The following GRIN2B variants were observed in gnomAD, a reference collection of about 807,000 sequenced individuals.
GRIN2B encodes glutamate receptor ionotropic, NMDA 2B.
GRIN2B carries 5 observed loss-of-function variants against 114.5 expected under a neutral mutation model. The observed-to-expected ratio is 0.04, with a 90% CI of 0.02 to 0.09. The LOEUF (loss-of-function observed/expected upper bound fraction) is 0.09. Ranked by LOEUF, GRIN2B falls within the 10% of genes least tolerant of loss-of-function variation. The pLI is 1.00. For synonymous variants in GRIN2B, 787 were observed against 745.1 expected (o/e 1.06, Z -0.92); for missense variants, 1,108 against 1,943.5 (o/e 0.57, Z 8.08).
At chr12:13,686,064 T>G (rs1477567971) in intron 4 of GRIN2B, among the ~76,000 whole-genome samples, 3 of 152,116 alleles carry the variant, frequency 2.0e-5, no homozygotes, top group Admixed American at 2.0e-4. Context: ...AAAACCACAA[T>G]GCAAAAGTGC....
At chr12:13,889,890 TC>T (rs1488006522) in intron 2 of GRIN2B, among the ~76,000 whole-genome samples, 1 of 152,156 alleles carries the variant, frequency 6.6e-6, no homozygotes, top group Non-Finnish European at 1.5e-5. Context: ...GAAACAATCC[TC>T]CCCTTCAGTG....
intron 5 of GRIN2B, among the ~76,000 whole-genome samples, chr12:13,617,160 T>A (rs150652474): frequency 6.6e-6 from 1 of 152,312 alleles, no homozygotes; most frequent in Non-Finnish European, 1.5e-5. Flanking sequence ...CAAAATGATG[T>A]GTTTTGGCTG....
intron 2 of GRIN2B, among the ~76,000 whole-genome samples, chr12:13,913,067 G>T (rs1342144093): frequency 6.6e-6 from 1 of 152,148 alleles, no homozygotes; most frequent in African/African-American, 2.4e-5. Context: ...TGAGTCGAGA[G>T]TAACAGTGGC....
intron 10 of GRIN2B, among the ~76,000 whole-genome samples, chr12:13,597,296 C>A (rs1487789610): frequency 6.6e-6 from 1 of 152,080 alleles, no homozygotes; most frequent in Non-Finnish European, 1.5e-5. Flanking sequence ...AAAGCTGGAT[C>A]AAAAAGAAAA....
intron 3 of GRIN2B, among the ~76,000 whole-genome samples, chr12:13,825,200 T>C (rs1025029411): frequency 2.0e-5 from 3 of 152,048 alleles, no homozygotes; most frequent in Admixed American, 2.0e-4. Context: ...ACTTAGAAGT[T>C]TAATGTTTAA....
At chr12:13,936,955 G>C (rs1447691533) in intron 2 of GRIN2B, among the ~76,000 whole-genome samples, 2 of 151,684 alleles carry the variant, frequency 1.3e-5, no homozygotes, top group Non-Finnish European at 2.9e-5. Context: ...GCAGAGAGTT[G>C]GTGAACTTGA....
chr12:13,911,994 G>A (rs1418241097), intron 2 of GRIN2B, among the ~76,000 whole-genome samples: 1 of 152,174 alleles, frequency 6.6e-6, no homozygotes, highest in African/African-American at 2.4e-5. Context: ...GCCAGGGAAT[G>A]AGTGACTAGT....
chr12:13,761,963 A>G (rs1463069008), intron 3 of GRIN2B, among the ~76,000 whole-genome samples: 1 of 152,210 alleles, frequency 6.6e-6, no homozygotes, highest in Non-Finnish European at 1.5e-5. Context: ...GAATAAAATG[A>G]CAGGCATCAT....
intron 2 of GRIN2B, among the ~76,000 whole-genome samples, chr12:13,959,246 A>T (rs933737775): frequency 1.3e-5 from 2 of 152,014 alleles, no homozygotes; most frequent in Non-Finnish European, 2.9e-5. Flanking sequence ...GAATTATAAC[A>T]CTCTAAGGTG....
chr12:13,701,988 A>C (rs528300516), intron 4 of GRIN2B, among the ~76,000 whole-genome samples: 28 of 152,320 alleles, frequency 1.8e-4, no homozygotes, highest in Admixed American at 1.2e-3. Context: ...TGTCAATTCA[A>C]ACTCCAAGAA....
intron 5 of GRIN2B, among the ~76,000 whole-genome samples, chr12:13,649,403 G>A (rs1177786358): frequency 6.6e-6 from 1 of 151,968 alleles, no homozygotes; most frequent in Non-Finnish European, 1.5e-5. Context: ...CTTACAATTG[G>A]TTCCTATGAG....
In GRIN2B at chr12:13,956,332, T is replaced by C. The variant is rs148380682; in HGVS notation, c.-19+23596A>G. Among the ~76,000 whole-genome samples the C allele has an allele frequency of 7.9e-3, 1,208 of 152,312 alleles. 20 individuals are homozygous for C. The highest frequency in any genetic ancestry group is 0.028 in the African/African-American group (1,165 of 41,566). On this transcript the variant is annotated intron_variant, in intron 2 of 13. Coordinates refer to ENST00000609686, the MANE Select transcript of GRIN2B (RefSeq NM_000834.5). ...AAGGACTTCATTCTGCACGCAATAA[T>C]GAGCCATTAAAGGCTTCCGAGGAGG...
chr12:13,686,696 A>G (rs1442767919), intron 4 of GRIN2B, among the ~76,000 whole-genome samples: 3 of 151,964 alleles, frequency 2.0e-5, no homozygotes, highest in Non-Finnish European at 4.4e-5. Flanking sequence ...CCCAGACTTC[A>G]CTCCTTAACC....
At chr12:13,669,463 G>A (rs910624074) in intron 5 of GRIN2B, among the ~76,000 whole-genome samples, 3 of 152,088 alleles carry the variant, frequency 2.0e-5, no homozygotes, top group East Asian at 1.9e-4. Flanking sequence ...ATAGCATGTT[G>A]TCAAACGGTG....
At chr12:13,904,181 T>C (rs144487445) in intron 2 of GRIN2B, among the ~76,000 whole-genome samples, 1 of 150,118 alleles carries the variant, frequency 6.7e-6, no homozygotes, top group East Asian at 2.0e-4. Flanking sequence ...ATTTTGTGTT[T>C]TCTATTTGTT....
chr12:13,884,914 G>T (rs1244304326), intron 2 of GRIN2B, among the ~76,000 whole-genome samples: 1 of 152,158 alleles, frequency 6.6e-6, no homozygotes, highest in African/African-American at 2.4e-5. Context: ...AAAAAGTAGA[G>T]ACTTAAGAAG....
intron 5 of GRIN2B, among the ~76,000 whole-genome samples, chr12:13,648,895 A>G (rs1949788295): frequency 6.6e-6 from 1 of 152,028 alleles, no homozygotes; most frequent in East Asian, 1.9e-4. Flanking sequence ...ATTTATTAGG[A>G]TATTGGTTTT....
intron 5 of GRIN2B, among the ~76,000 whole-genome samples, chr12:13,623,702 G>T (rs532727073): frequency 6.6e-6 from 1 of 151,998 alleles, no homozygotes; most frequent in Non-Finnish European, 1.5e-5. Context: ...TCATCTCTCA[G>T]GTATGCTTGA....
At chr12:13,643,147 G>C (rs968462186) in intron 5 of GRIN2B, among the ~76,000 whole-genome samples, 8 of 152,044 alleles carry the variant, frequency 5.3e-5, no homozygotes, top group African/African-American at 1.9e-4. Context: ...AATATATAAA[G>C]GCTATTTTCT....
Sources: allele counts gnomAD v4.1 joint callset (sites outside exome capture counted in the v4.1 genomes callset), GRCh38; gene constraint gnomAD v4.1.1; transcripts MANE v1.5; gene names NCBI Gene and HGNC (gene_info 2026-07-23, HGNC 2026-07-21).